AP1B1: variants seen among roughly 807,000 people sequenced by gnomAD.
The protein encoded by AP1B1 is AP-1 complex subunit beta-1.
A neutral mutation model predicts 104.3 loss-of-function variants in AP1B1; 36 were observed. The observed-to-expected ratio is 0.35, with a 90% CI of 0.26 to 0.46. AP1B1 has a LOEUF of 0.46. AP1B1 is among the 20% of genes least tolerant of loss of function. The pLI, the probability that AP1B1 is intolerant of heterozygous loss-of-function variation, is 1.00. For synonymous variants in AP1B1, 504 were observed against 517.5 expected, an observed-to-expected ratio of 0.97 and a Z score of 0.35; for missense variants, 901 against 1,247.9, an observed-to-expected ratio of 0.72 and a Z score of 4.19.
In AP1B1 at chr22:29,351,199, G is replaced by C; in HGVS notation, c.1127C>G (p.Ala376Gly). 6.2e-7 allele frequency: 1 copy of C among 1,613,816 alleles called. No individual in the cohort carries two copies. Reference sequence around the variant, plus strand: ...CACCTTGATGGCGCAGCGGCCAATAGCACGCACAGCCTTCCGTACAAAGTC... The same window carrying C: ...CACCTTGATGGCGCAGCGGCCAATACCACGCACAGCCTTCCGTACAAAGTC... The part of the protein sequence containing the change: ...DVDFVRKAVR[A>G]IGRCAIKVEQ... Residue 376 changes from alanine (A) to glycine (G), a missense_variant, in exon 9 of 23, where the codon GCT becomes GGT. Ala to Gly is a moderately conservative substitution (Grantham distance 60). Coordinates refer to ENST00000357586, the MANE Select transcript of AP1B1 (RefSeq NM_001127.4).
rs2061565545 is a variant in AP1B1 at position 29,331,919 on chromosome 22, G to A, written c.2310-3C>T. On this transcript the variant is annotated splice_region_variant and splice_polypyrimidine_tract_variant and intron_variant, in intron 17 of 22. Transcript: ENST00000357586. ...GGGCGGCGGGGGCCAGGCCAAAGCT[G>A]GGGAGAGAGAAGCCCCACAGGGATG... The A allele has an allele frequency of 6.2e-7, 1 of 1,607,700 alleles. No homozygotes were observed. The highest frequency in any genetic ancestry group is 8.5e-7 in the Non-Finnish European group (1 of 1,177,300).
At chr22:29,344,487 C>G (rs530271407) in intron 11 of AP1B1, among the ~76,000 whole-genome samples, 1 of 148,512 alleles carries the variant, frequency 6.7e-6, no homozygotes, top group South Asian at 2.1e-4. Flanking sequence ...GGGCCAGACG[C>G]TGGGCTGATA....
chr22:29,343,978 G>A (rs1463912929), intron 11 of AP1B1, among the ~76,000 whole-genome samples: 1 of 151,994 alleles, frequency 6.6e-6, no homozygotes. Flanking sequence ...GGGCCTGGTG[G>A]CAGGTACCTG....
At chr22:29,335,929 C>T (rs1334675053) in intron 16 of AP1B1, among the ~76,000 whole-genome samples, 1 of 152,186 alleles carries the variant, frequency 6.6e-6, no homozygotes, top group East Asian at 1.9e-4. Context: ...GACCGGGGGG[C>T]ATGGCTCTCT....
intron 18 of AP1B1, 74 bp from the exon 19 acceptor site, chr22:29,331,607 G>C: frequency 6.3e-7 from 1 of 1,587,874 alleles, no homozygotes; most frequent in African/African-American, 1.3e-5. Context: ...GAGTGTCACT[G>C]AGCAGATTCT....
intron 1 of AP1B1, among the ~76,000 whole-genome samples, chr22:29,368,620 AAATGGCTTGTAAGTGGC>A (rs1292226153): frequency 6.6e-6 from 1 of 152,224 alleles, no homozygotes; most frequent in African/African-American, 2.4e-5. Context: ...GCCCAAGGTC[AAATGGCTTGTAAGTGGC>A]TGGGCTGGGA....
chr22:29,350,675 G>A (rs2061860465), intron 9 of AP1B1, among the ~76,000 whole-genome samples: 1 of 152,132 alleles, frequency 6.6e-6, no homozygotes, highest in Non-Finnish European at 1.5e-5. Context: ...AGCCACCAGT[G>A]GACCCATTTA....
intron 5 of AP1B1, among the ~76,000 whole-genome samples, chr22:29,358,324 C>T (rs561762740): frequency 1.2e-4 from 18 of 152,280 alleles, no homozygotes; most frequent in African/African-American, 4.3e-4. Context: ...ACACATGCAG[C>T]ATATTGGCTT....
intron 18 of AP1B1, 112 bp from the exon 19 acceptor site, chr22:29,331,645 C>A: frequency 1.9e-6 from 3 of 1,568,652 alleles, no homozygotes; most frequent in Non-Finnish European, 2.6e-6. Flanking sequence ...GGTAAACACA[C>A]CCCTTCGTTC....
At chr22:29,344,058 C>T (rs537099355) in intron 11 of AP1B1, among the ~76,000 whole-genome samples, 19 of 150,084 alleles carry the variant, frequency 1.3e-4, no homozygotes, top group African/African-American at 4.4e-4. Context: ...TGCAGTGAGC[C>T]GAGGTCTCGC....
chr22:29,383,537 C>T (rs970647422), intron 1 of AP1B1, among the ~76,000 whole-genome samples: 12 of 151,800 alleles, frequency 7.9e-5, no homozygotes, highest in Non-Finnish European at 1.6e-4. Flanking sequence ...GGTGAAACCC[C>T]GTCTTTATTA....
At chr22:29,331,677 A>T in intron 18 of AP1B1, 110 bp downstream of exon 18, 1 of 1,597,804 alleles carries the variant, frequency 6.3e-7, no homozygotes. Context: ...CCTCCCCAAC[A>T]CATCTGCAGC....
intron 1 of AP1B1, among the ~76,000 whole-genome samples, chr22:29,367,796 A>G (rs2062168295): frequency 6.6e-6 from 1 of 152,212 alleles, no homozygotes; most frequent in African/African-American, 2.4e-5. Context: ...CAGTCAAATA[A>G]GATTAGAAAA....
Position 29,339,765 on chromosome 22 carries a change from C to T in AP1B1, c.2008G>A (p.Glu670Lys), listed in dbSNP as rs2147952190. ...GGGLDSLMGD[E>K]PEGIGGTNFV... ...GGGTTGAACCATACCCCTTCAGGCTCATCCCCCATCTCCAAGCAGAAGCAG... is the reference window on the plus strand; with the variant it reads ...GGGTTGAACCATACCCCTTCAGGCTTATCCCCCATCTCCAAGCAGAAGCAG... The change falls in exon 15 of 23, where the codon GAG (glutamate) becomes AAG (lysine). Residue 670 changes from glutamate (E) to lysine (K), a missense_variant. Coordinates refer to ENST00000357586, the MANE Select transcript of AP1B1 (RefSeq NM_001127.4). The T allele has an allele frequency of 6.2e-7, 1 of 1,608,836 alleles. No individual in the cohort carries two copies. The highest frequency in any genetic ancestry group is 1.1e-5 in the South Asian group (1 of 90,128).
At chr22:29,379,799 A>G (rs1266621290) in intron 1 of AP1B1, among the ~76,000 whole-genome samples, 3 of 152,246 alleles carry the variant, frequency 2.0e-5, no homozygotes, top group African/African-American at 7.2e-5. Flanking sequence ...GAAATTGCCA[A>G]TGTGACAACG....
intron 5 of AP1B1, 31 bp downstream of exon 5, chr22:29,358,695 G>A (rs529563322): frequency 4.1e-5 from 65 of 1,594,294 alleles, no homozygotes; most frequent in Non-Finnish European, 5.0e-5. Context: ...AGGAGGTGGT[G>A]GAGGTAGCAC....
intron 3 of AP1B1, among the ~76,000 whole-genome samples, chr22:29,362,225 C>T (rs34680030): frequency 0.16 from 25,080 of 152,244 alleles, 2,333 homozygotes; most frequent in Non-Finnish European, 0.22. Context: ...GGCTGCACAC[C>T]GGTGACAAAT....
chr22:29,349,888 A>G, intron 10 of AP1B1, 147 bp downstream of exon 10: 1 of 678,758 alleles, frequency 1.5e-6, no homozygotes, highest in South Asian at 1.8e-5. Context: ...GGCAGTGTGG[A>G]CGAAATAAAA....
chr22:29,377,287 TG>T (rs1200849936), intron 1 of AP1B1, among the ~76,000 whole-genome samples: 1 of 151,326 alleles, frequency 6.6e-6, no homozygotes, highest in Non-Finnish European at 1.5e-5. Context: ...TAAGGCCAGC[TG>T]GAAGACTAAA....
Sources: gnomAD v4.1 joint callset for allele counts (sites outside exome capture counted in the v4.1 genomes callset) on GRCh38, gnomAD v4.1.1 for gene constraint, MANE v1.5 for transcripts, NCBI Gene and HGNC (gene_info 2026-07-23, HGNC 2026-07-21) for gene names.